Variants in FRMPD4 observed in about 807,000 individuals in gnomAD.
The protein encoded by FRMPD4 is FERM and PDZ domain-containing protein 4.
A neutral mutation model predicts 94.1 loss-of-function variants in FRMPD4; 22 were observed. The ratio of observed to expected loss-of-function variants is 0.23; its 90% CI spans 0.17 to 0.33. The LOEUF (loss-of-function observed/expected upper bound fraction) is 0.33. Ranked by LOEUF, FRMPD4 falls within the 10% of genes least tolerant of loss-of-function variation. The pLI, the probability that FRMPD4 is intolerant of heterozygous loss-of-function variation, is 1.00. For synonymous variants in FRMPD4, 631 were observed against 548.6 expected (o/e 1.15, Z -2.10); for missense variants, 1,111 against 1,339.9 (o/e 0.83, Z 2.67).
At chrX:12,137,962 G>C, upstream of FRMPD4, among the ~76,000 whole-genome samples, 1 of 111,719 alleles carries the variant, frequency 9.0e-6, no homozygotes, top group Non-Finnish European at 1.9e-5. Flanking sequence ...GGGCTCCTGG[G>C]ACCCTCCGCT....
chrX:11,851,572 C>T (rs1241480280), intron 1 of FRMPD4, among the ~76,000 whole-genome samples: 1 of 111,277 alleles, frequency 9.0e-6, no homozygotes, highest in Non-Finnish European at 1.9e-5. Flanking sequence ...TGACACTTGG[C>T]TTTATCATGA....
At chrX:12,455,116 G>A (rs2057319054) in intron 1 of FRMPD4, among the ~76,000 whole-genome samples, 1 of 110,320 alleles carries the variant, frequency 9.1e-6, no homozygotes, top group South Asian at 3.8e-4. Flanking sequence ...CTGGGTGAAG[G>A]GCATGCAGGA....
intron 3 of FRMPD4, among the ~76,000 whole-genome samples, chrX:12,055,304 G>T (rs2054847835): frequency 8.9e-6 from 1 of 111,814 alleles, no homozygotes; most frequent in Non-Finnish European, 1.9e-5. Flanking sequence ...AATCCACAAT[G>T]TTGGAGGTGG....
chrX:12,029,172 G>A (rs915528843), intron 3 of FRMPD4, among the ~76,000 whole-genome samples: 1 of 112,129 alleles, frequency 8.9e-6, no homozygotes, highest in African/African-American at 3.2e-5. Flanking sequence ...ATTTTGGTCA[G>A]TCTAATAGGT....
Position 12,723,211 on chromosome X carries a change from C to G in FRMPD4, c.*1353C>G, listed in dbSNP as rs1486211021. 1 of 111,667 alleles carries G rather than the reference C, an allele frequency of 9.0e-6. No homozygotes were observed. The highest frequency in any genetic ancestry group is 1.9e-5 in the Non-Finnish European group (1 of 53,119). The allele number at this position is 111,667 out of a possible 1,213,427, so 9.2% of individuals were successfully genotyped here. A position where few individuals can be genotyped will look rare whatever the true frequency, so the allele number is the denominator to read the frequency against. Reference sequence around the variant, plus strand: ...AAAGAACTTTCCAGGACTGTCACATCTCTAAAAGTACCCTGCAGTCATAAA... The same window carrying G: ...AAAGAACTTTCCAGGACTGTCACATGTCTAAAAGTACCCTGCAGTCATAAA... On this transcript the variant is annotated 3_prime_UTR_variant, in exon 17 of 17. Transcript: ENST00000675598.
At chrX:12,394,857 T>C (rs143161639) in intron 1 of FRMPD4, among the ~76,000 whole-genome samples, 228 of 111,814 alleles carry the variant, frequency 2.0e-3, no homozygotes, top group African/African-American at 7.0e-3. Flanking sequence ...GAGTACCTGT[T>C]TATAAAGATT....
At chrX:12,226,572 G>C (rs1262003689) in intron 1 of FRMPD4, among the ~76,000 whole-genome samples, 4 of 111,229 alleles carry the variant, frequency 3.6e-5, no homozygotes, top group Non-Finnish European at 7.5e-5. Context: ...CAGTTTCATG[G>C]ATGTTGGCAG....
At chrX:12,515,470 G>C (rs2058086762) in intron 2 of FRMPD4, among the ~76,000 whole-genome samples, 1 of 111,764 alleles carries the variant, frequency 8.9e-6, no homozygotes, top group African/African-American at 3.3e-5. Flanking sequence ...TTCAGGAGCA[G>C]GTTGTTCAAT....
intron 6 of FRMPD4, among the ~76,000 whole-genome samples, chrX:12,684,466 A>G (rs1008274186): frequency 8.9e-6 from 1 of 111,757 alleles, no homozygotes; most frequent in Non-Finnish European, 1.9e-5. Context: ...TCATGCTCCA[A>G]CTGTCTTTGA....
At chrX:12,607,813 G>A (rs746594295) in intron 2 of FRMPD4, among the ~76,000 whole-genome samples, 8 of 111,995 alleles carry the variant, frequency 7.1e-5, no homozygotes, top group Non-Finnish European at 1.5e-4. Flanking sequence ...AAGCTAAGTC[G>A]AAAAGACACT....
chrX:11,904,087 G>T, intron 3 of FRMPD4, among the ~76,000 whole-genome samples: 1 of 111,857 alleles, frequency 8.9e-6, no homozygotes. Context: ...GGCCTGACCT[G>T]CTTGTTTGAG....
At chrX:12,470,855 C>G (rs189138048) in intron 1 of FRMPD4, among the ~76,000 whole-genome samples, 1 of 111,785 alleles carries the variant, frequency 8.9e-6, no homozygotes, top group Admixed American at 9.5e-5. Flanking sequence ...CCTGTTAATA[C>G]TGAAAACAAA....
intron 1 of FRMPD4, among the ~76,000 whole-genome samples, chrX:12,170,052 A>G (rs1192363688): frequency 8.9e-6 from 1 of 112,018 alleles, no homozygotes; most frequent in Admixed American, 9.5e-5. Context: ...CCTCAGTGCC[A>G]TGAAAAGTAT....
intron 1 of FRMPD4, among the ~76,000 whole-genome samples, chrX:12,421,765 GAAAAAAA>G (rs34571736): frequency 2.9e-5 from 2 of 69,616 alleles, no homozygotes; most frequent in South Asian, 9.5e-4. Flanking sequence ...CTATCTCAAA[GAAAAAAA>G]AAAAAAAAAA....
chrX:12,506,097 T>G (rs990129088), intron 2 of FRMPD4, among the ~76,000 whole-genome samples: 4 of 111,605 alleles, frequency 3.6e-5, no homozygotes, highest in Admixed American at 9.5e-5. Flanking sequence ...TCAGAAATGC[T>G]TTTTGAACTT....
chrX:12,594,935 T>G lies in FRMPD4; in HGVS notation c.159-14786T>G, dbSNP rs1351720743. The stretch of plus-strand genomic sequence containing the variant: ...GTCCAAAGTCCAGTTACTTTACCAA[T>G]CTGTTCCTCAACTGTAAATGACTGT... On this transcript the variant is annotated intron_variant, in intron 2 of 16. Transcript: ENST00000675598. 1.2e-4 allele frequency among the ~76,000 whole-genome samples: 13 copies of G among 111,978 alleles called. No individual in the cohort carries two copies. In the Admixed American group the frequency reaches 1.2e-3, roughly 11 times the overall value.
chrX:12,429,079 A>G (rs964108320), intron 1 of FRMPD4, among the ~76,000 whole-genome samples: 8 of 111,677 alleles, frequency 7.2e-5, no homozygotes, highest in African/African-American at 1.6e-4. Context: ...TGACCCCCCA[A>G]TCTGCTGCCT....
intron 1 of FRMPD4, among the ~76,000 whole-genome samples, chrX:12,329,519 C>A (rs182378653): frequency 7.5e-4 from 83 of 110,757 alleles, no homozygotes; most frequent in African/African-American, 2.6e-3. Context: ...GTATTGCTTT[C>A]TGAACCCCCA....
At chrX:12,229,043 G>A (rs755732697) in intron 1 of FRMPD4, among the ~76,000 whole-genome samples, 5 of 112,013 alleles carry the variant, frequency 4.5e-5, no homozygotes, top group South Asian at 3.7e-4. Context: ...AAATTTATAC[G>A]TGAAAGCTTC....
Sources: gnomAD v4.1 joint callset for allele counts (sites outside exome capture counted in the v4.1 genomes callset) on GRCh38, gnomAD v4.1.1 for gene constraint, MANE v1.5 for transcripts, NCBI Gene and HGNC (gene_info 2026-07-23, HGNC 2026-07-21) for gene names.